The following INPP5D variants were observed in gnomAD, a reference collection of about 807,000 sequenced individuals.
INPP5D encodes inositol polyphosphate-5-phosphatase D.
In INPP5D, 33 loss-of-function variants were observed where a neutral mutation model predicts 122.9. The observed-to-expected ratio is 0.27, with a 90% CI of 0.20 to 0.36. The LOEUF is 0.36. INPP5D is among the 10% of genes least tolerant of loss of function. The pLI is 1.00. For missense variants in INPP5D, 1,053 were observed against 1,412.7 expected (o/e 0.75, Z 4.08); for synonymous variants, 584 against 576.2 (o/e 1.01, Z -0.19).
intron 1 of INPP5D, among the ~76,000 whole-genome samples, chr2:233,074,265 C>G (rs112842933): frequency 2.0e-5 from 3 of 152,286 alleles, no homozygotes; most frequent in African/African-American, 7.2e-5. Context: ...TGGGCTCCCT[C>G]CAAGGGTTGA....
At chr2:233,079,446 C>T (rs1287251847) in intron 2 of INPP5D, 48 bp downstream of exon 2, 1 of 1,177,032 alleles carries the variant, frequency 8.5e-7, no homozygotes, top group African/African-American at 1.5e-5. Flanking sequence ...TCAGCCGATA[C>T]TGGCAGAGAA....
At position 233,115,147 on chromosome 2, in the gene INPP5D, G is replaced by A. The variant is rs1036505036; in HGVS notation, c.199-6960G>A. 1.4e-4 allele frequency among the ~76,000 whole-genome samples: 22 copies of A among 152,330 alleles called. No individual in the cohort carries two copies. In the East Asian group the frequency reaches 2.1e-3, roughly 15 times the overall value. ...CTCCCAAAGTGCTGGGATTGCAAGC[G>A]TGAGCCATCGCGCCTGGCCTGTTTC... is the stretch of plus-strand genomic sequence containing the variant. On this transcript the variant is annotated intron_variant, in intron 2 of 26. Transcript: ENST00000445964.
chr2:233,081,853 G>A (rs930467579), intron 2 of INPP5D, among the ~76,000 whole-genome samples: 1 of 152,180 alleles, frequency 6.6e-6, no homozygotes, highest in African/African-American at 2.4e-5. Context: ...TCAGTCCCCA[G>A]TCCTAAGAAG....
intron 25 of INPP5D, among the ~76,000 whole-genome samples, chr2:233,202,909 T>C (rs1695376475): frequency 6.6e-6 from 1 of 152,246 alleles, no homozygotes; most frequent in Non-Finnish European, 1.5e-5. Flanking sequence ...TTCTAGCTAC[T>C]GGCCTTGGCT....
intron 9 of INPP5D, among the ~76,000 whole-genome samples, chr2:233,152,616 G>A (rs1378456182): frequency 6.6e-6 from 1 of 152,214 alleles, no homozygotes; most frequent in Non-Finnish European, 1.5e-5. Flanking sequence ...GCCTTTCTGT[G>A]GACATGCTGT....
At chr2:233,095,319 T>G (rs897467106) in intron 2 of INPP5D, among the ~76,000 whole-genome samples, 1 of 152,218 alleles carries the variant, frequency 6.6e-6, no homozygotes, top group Non-Finnish European at 1.5e-5. Flanking sequence ...GCCCAGGCTG[T>G]TCTTAAACTT....
Position 233,170,569 on chromosome 2 carries a change from C to T in INPP5D, c.1865C>T (p.Thr622Ile). The change falls in exon 16 of 27, where the codon ACA becomes ATA. Residue 622 changes from threonine to isoleucine, a missense_variant. Thr to Ile is a moderately conservative substitution (Grantham distance 89). Coordinates refer to ENST00000445964, the MANE Select transcript of INPP5D (RefSeq NM_001017915.3). The surrounding 1 kb of genome is among the most constrained non-coding windows in gnomAD (Gnocchi z 4.5). ...CTCCTGTCCCACGACCAGCTGCTCA[C>T]AGAGAGGAGGGAGCAGAAGGTCTTC... is the stretch of plus-strand genomic sequence containing the variant. Reference protein sequence around the residue: ...ADLLSHDQLLTERREQKVFLH... With the variant: ...ADLLSHDQLLIERREQKVFLH... The T allele has an allele frequency of 6.2e-7, 1 of 1,613,648 alleles. No individual in the cohort carries two copies. Among genetic ancestry groups the T allele is most frequent in the South Asian group, 1.1e-5 (1 of 91,078 alleles).
chr2:233,110,330 C>T (rs976343516), intron 2 of INPP5D, among the ~76,000 whole-genome samples: 1 of 151,944 alleles, frequency 6.6e-6, no homozygotes, highest in Non-Finnish European at 1.5e-5. Context: ...GCTGGGATTA[C>T]GGGTGTGAGC....
chr2:233,090,635 A>T (rs868619363), intron 2 of INPP5D, among the ~76,000 whole-genome samples: 1 of 152,174 alleles, frequency 6.6e-6, no homozygotes, highest in African/African-American at 2.4e-5. Flanking sequence ...CTTTAAAGAG[A>T]GAAAACGGAC....
Position 233,096,793 on chromosome 2 carries a change from T to C in INPP5D, c.198+17395T>C, listed in dbSNP as rs554321661. Among the ~76,000 whole-genome samples, 234 of 152,364 alleles carry C rather than the reference T, an allele frequency of 1.5e-3. 1 individual carries two copies. The highest frequency in any genetic ancestry group is 3.1e-3 in the South Asian group (15 of 4,830). ...TTTTAAAAACCCTTTATATGTTTTGTATATTAATTTTGGGGGTAAGTTATA... is the reference window on the plus strand; with the variant it reads ...TTTTAAAAACCCTTTATATGTTTTGCATATTAATTTTGGGGGTAAGTTATA... On this transcript the variant is annotated intron_variant, in intron 2 of 26. Coordinates refer to ENST00000445964, the MANE Select transcript of INPP5D (RefSeq NM_001017915.3).
intron 17 of INPP5D, 183 bp downstream of exon 17, chr2:233,171,335 T>C: frequency 1.2e-6 from 1 of 816,922 alleles, no homozygotes; most frequent in African/African-American, 1.7e-5. Context: ...TGCACTGCTT[T>C]GAGCTGGGAA....
chr2:233,084,533 G>C (rs1691780340), intron 2 of INPP5D, among the ~76,000 whole-genome samples: 1 of 152,220 alleles, frequency 6.6e-6, no homozygotes, highest in African/African-American at 2.4e-5. Flanking sequence ...TGGCTGTCAC[G>C]TATCTCCGGG....
chr2:233,147,313 A>C (rs976375491), intron 8 of INPP5D, among the ~76,000 whole-genome samples, 158 bp from the exon 9 acceptor site: 1 of 152,156 alleles, frequency 6.6e-6, no homozygotes, highest in African/African-American at 2.4e-5. Flanking sequence ...GCCTGTGGAA[A>C]CATGCACGTG....
At chr2:233,150,027 CTGTGT>C in intron 9 of INPP5D, among the ~76,000 whole-genome samples, 2 of 152,222 alleles carry the variant, frequency 1.3e-5, no homozygotes, top group South Asian at 2.1e-4. Context: ...ATGGTGGCCC[CTGTGT>C]ATAGTGGCAA....
chr2:233,140,724 T>C (rs1166906314), intron 6 of INPP5D: 6 of 152,224 alleles, frequency 3.9e-5, no homozygotes, highest in African/African-American at 1.4e-4. Context: ...AAATTTTTTG[T>C]AGAGACAGAT....
chr2:233,115,505 C>G (rs1692763418), intron 2 of INPP5D, among the ~76,000 whole-genome samples: 1 of 152,192 alleles, frequency 6.6e-6, no homozygotes. Flanking sequence ...AGCCCTGAGC[C>G]TCCAGCAGTC....
intron 1 of INPP5D, among the ~76,000 whole-genome samples, chr2:233,064,675 A>T (rs1383907234): frequency 2.0e-5 from 3 of 152,218 alleles, no homozygotes; most frequent in African/African-American, 7.2e-5. Context: ...GATTGCATGC[A>T]TGATCTTCCT....
chr2:233,121,324 G>A (rs2106255027), intron 2 of INPP5D, among the ~76,000 whole-genome samples: 1 of 151,354 alleles, frequency 6.6e-6, no homozygotes, highest in African/African-American at 2.4e-5. Context: ...TAGAGACTGG[G>A]TTTGAGTTTC....
chr2:233,110,268 T>G (rs1692584411), intron 2 of INPP5D, among the ~76,000 whole-genome samples: 1 of 152,142 alleles, frequency 6.6e-6, no homozygotes, highest in Admixed American at 6.5e-5. Flanking sequence ...TTGACCAGGC[T>G]GGTCTTGAAC....
Sources: gnomAD v4.1 joint callset for allele counts (sites outside exome capture counted in the v4.1 genomes callset) on GRCh38, gnomAD v4.1.1 for gene constraint, Gnocchi (gnomAD v3.1) non-coding constraint, MANE v1.5 for transcripts, NCBI Gene and HGNC (gene_info 2026-07-23, HGNC 2026-07-21) for gene names.